CCDC32: variants seen among roughly 807,000 people sequenced by gnomAD.
The protein encoded by CCDC32 is coiled-coil domain-containing protein 32.
Under a neutral mutation model 20.1 loss-of-function variants are expected in CCDC32, and 9 were observed. The observed-to-expected ratio is 0.45, with a 90% CI of 0.27 to 0.78. The LOEUF is 0.78. Ranked by LOEUF, CCDC32 falls within the 30% of genes least tolerant of loss-of-function variation. CCDC32 has a pLI of 0.16. For missense variants in CCDC32, 204 were observed against 215.5 expected, an observed-to-expected ratio of 0.95 and a Z score of 0.33; for synonymous variants, 63 against 79.0, an observed-to-expected ratio of 0.80 and a Z score of 1.07.
intron 2 of CCDC32, among the ~76,000 whole-genome samples, chr15:40,562,567 T>A (rs1890717692): frequency 1.3e-5 from 2 of 150,858 alleles, no homozygotes; most frequent in Non-Finnish European, 3.0e-5. Flanking sequence ...GCAACAAGAG[T>A]GAAAGTCTCA....
At chr15:40,523,504 C>CAAAAAAAAA in the CCDC32 span, among the ~76,000 whole-genome samples, 2 of 88,510 alleles carry the variant, frequency 2.3e-5, no homozygotes, top group East Asian at 3.9e-4. Context: ...AACTCCATCT[C>CAAAAAAAAA]AAAAAAAAAA....
chr15:40,555,378 AAG>A (rs1409244966), intron 3 of CCDC32, among the ~76,000 whole-genome samples: 1 of 152,236 alleles, frequency 6.6e-6, no homozygotes, highest in East Asian at 1.9e-4. Flanking sequence ...ATTTCAGAGA[AAG>A]AGGATTTCTA....
At chr15:40,525,453 A>G (rs1465903467), downstream of CCDC32, among the ~76,000 whole-genome samples, 1 of 152,178 alleles carries the variant, frequency 6.6e-6, no homozygotes, top group East Asian at 1.9e-4. Flanking sequence ...ATGAGCCACC[A>G]TGTATGGCTG....
In CCDC32 at chr15:40,553,434, T is replaced by TA. The variant is rs1890005730; in HGVS notation, c.*536dup. On this transcript the variant is annotated 3_prime_UTR_variant, in exon 4 of 4. Coordinates refer to ENST00000416810, the MANE Select transcript of CCDC32 (RefSeq NM_001080792.4). ...CCTCTCTCCCTGGAGTCCGTATACTTACTACAGATTTGTTAGAGAAGCCCC... is the reference window on the plus strand; with the variant it reads ...CCTCTCTCCCTGGAGTCCGTATACTTAACTACAGATTTGTTAGAGAAGCCCC... 1.0e-6 allele frequency: 1 copy of TA among 985,728 alleles called. No homozygotes were observed. The highest frequency in any genetic ancestry group is 1.2e-6 in the Non-Finnish European group (1 of 830,192). 61.1% of individuals were successfully genotyped at this position (985,728 alleles called of 1,614,324 possible).
At chr15:40,534,688 C>G, downstream of CCDC32, 2 of 546,866 alleles carry the variant, frequency 3.7e-6, no homozygotes, top group South Asian at 4.4e-5. Flanking sequence ...TCATTGTATC[C>G]TCACATGGCA....
At chr15:40,549,893 C>T (rs1188945211), downstream of CCDC32, among the ~76,000 whole-genome samples, 1 of 152,204 alleles carries the variant, frequency 6.6e-6, no homozygotes, top group African/African-American at 2.4e-5. Flanking sequence ...CCTTCCAAAA[C>T]AGGGCCAGGG....
At chr15:40,533,245 G>A (rs1888961884), downstream of CCDC32, among the ~76,000 whole-genome samples, 1 of 152,084 alleles carries the variant, frequency 6.6e-6, no homozygotes. Context: ...TCAGGGTCGG[G>A]GGCAGATGTG....
intron 3 of CCDC32, among the ~76,000 whole-genome samples, chr15:40,545,451 A>T (rs1018308752): frequency 1.8e-5 from 2 of 112,578 alleles, no homozygotes; most frequent in East Asian, 2.7e-4. Context: ...GGAGAGAGTC[A>T]GTTTGTTTGG....
At chr15:40,539,880 A>ACAC (rs769226221) in intron 3 of CCDC32, among the ~76,000 whole-genome samples, 68 of 139,138 alleles carry the variant, frequency 4.9e-4, no homozygotes, top group Middle Eastern at 7.6e-3. Flanking sequence ...ACACACACAC[A>ACAC]CCCCGCTCCT....
chr15:40,524,193 T>C (rs962172775), downstream of CCDC32, among the ~76,000 whole-genome samples: 3 of 142,156 alleles, frequency 2.1e-5, no homozygotes, highest in African/African-American at 7.8e-5. Context: ...AGTCTGGCTC[T>C]GTCGCCCAGG....
At chr15:40,541,402 G>T (rs367986535) in intron 3 of CCDC32, among the ~76,000 whole-genome samples, 1 of 151,254 alleles carries the variant, frequency 6.6e-6, no homozygotes. Context: ...GCTCCATCTC[G>T]GCTCACTGCA....
downstream of CCDC32, among the ~76,000 whole-genome samples, chr15:40,526,968 G>A (rs995217681): frequency 1.3e-5 from 2 of 151,976 alleles, no homozygotes; most frequent in East Asian, 3.9e-4. Flanking sequence ...TTTGAGACAG[G>A]GTCTTGCCAG....
At chr15:40,551,827 A>G (rs1253503245), downstream of CCDC32, among the ~76,000 whole-genome samples, 4 of 74,178 alleles carry the variant, frequency 5.4e-5, no homozygotes, top group African/African-American at 1.6e-4. Flanking sequence ...AAAAAAAAAA[A>G]AAAAAAAAAA....
At chr15:40,552,850 C>A (rs1477709045), downstream of CCDC32, 1 of 150,470 alleles carries the variant, frequency 6.6e-6, no homozygotes, top group Non-Finnish European at 1.5e-5. Flanking sequence ...TAGCTCCTCT[C>A]TCGATCGGAA....
At chr15:40,556,088 A>T (rs1384488676) in intron 3 of CCDC32, among the ~76,000 whole-genome samples, 1 of 152,238 alleles carries the variant, frequency 6.6e-6, no homozygotes, top group Non-Finnish European at 1.5e-5. Context: ...ACTGAGGCAC[A>T]CATAGGTTAC....
chr15:40,553,247 C>T lies in CCDC32; in HGVS notation c.*724G>A, dbSNP rs1595890524. The stretch of plus-strand genomic sequence containing the variant: ...GTGTCAAACACTAACACCATATTTA[C>T]AAGTCTAATTTGGAACCTGGCCCTT... On this transcript the variant is annotated 3_prime_UTR_variant, in exon 4 of 4. Transcript: ENST00000416810. 1 of 985,432 alleles carries T rather than the reference C, an allele frequency of 1.0e-6. No homozygotes were observed. Among genetic ancestry groups the T allele is most frequent in the Middle Eastern group, 5.2e-4 (1 of 1,914 alleles). 61.0% of individuals were successfully genotyped at this position (985,432 alleles called of 1,614,324 possible). A position where few individuals can be genotyped will look rare whatever the true frequency, so the allele number is the denominator to read the frequency against.
intron 2 of CCDC32, among the ~76,000 whole-genome samples, chr15:40,562,372 G>C (rs972846209): frequency 6.6e-6 from 1 of 151,992 alleles, no homozygotes; most frequent in South Asian, 2.1e-4. Context: ...TCAGGCATTC[G>C]AGACCAGCCT....
chr15:40,530,275 G>A (rs932870308), downstream of CCDC32, among the ~76,000 whole-genome samples: 1 of 135,346 alleles, frequency 7.4e-6, no homozygotes, highest in South Asian at 2.7e-4. Flanking sequence ...CCTGGGCAAC[G>A]AGCGAAACTA....
rs187163803 is a variant in CCDC32 at position 40,539,410 on chromosome 15, A to C, written c.402-55T>G. 34 of 1,418,792 alleles carry C rather than the reference A, an allele frequency of 2.4e-5. No homozygotes were observed. The East Asian group carries it at 7.7e-4, about 32-fold the overall frequency. The allele number at this position is 1,418,792 out of a possible 1,614,324, so 87.9% of individuals were successfully genotyped here. A position where few individuals can be genotyped will look rare whatever the true frequency, so the allele number is the denominator to read the frequency against. On this transcript the variant is annotated intron_variant, in intron 3 of 3. Coordinates refer to the CCDC32 transcript ENST00000558113. ...GAGGAAGATAGACAGATACAGTCAG[A>C]GGCACACACTAACAGAGTCAAAGAG...
Sources: allele counts gnomAD v4.1 joint callset (sites outside exome capture counted in the v4.1 genomes callset), GRCh38; gene constraint gnomAD v4.1.1; transcripts MANE v1.5; gene names NCBI Gene and HGNC (gene_info 2026-07-23, HGNC 2026-07-21).